Variants in HERC1 observed in about 807,000 individuals in gnomAD.
HERC1 encodes probable E3 ubiquitin-protein ligase HERC1.
Under a neutral mutation model 554.3 loss-of-function variants are expected in HERC1, and 160 were observed. The observed-to-expected ratio is 0.29, with a 90% CI of 0.25 to 0.33. HERC1 has a LOEUF of 0.33. Ranked by LOEUF, HERC1 falls within the 10% of genes least tolerant of loss-of-function variation. The pLI is 1.00. For missense variants in HERC1, 4,919 were observed against 5,918.5 expected (o/e 0.83, Z 5.54); for synonymous variants, 2,175 against 2,131.7 (o/e 1.02, Z -0.56).
Position 63,787,017 on chromosome 15 carries a change from T to C in HERC1, c.-26-11368A>G, listed in dbSNP as rs2076475495. Among the ~76,000 whole-genome samples, 3 of 151,766 alleles carry C rather than the reference T, an allele frequency of 2.0e-5. No individual in the cohort carries two copies. In the South Asian group the frequency reaches 6.2e-4, roughly 32 times the overall value. On this transcript the variant is annotated intron_variant, in intron 1 of 77. Coordinates refer to ENST00000443617, the MANE Select transcript of HERC1 (RefSeq NM_003922.4). ...TCACCATGCCCAGCTAATTTTTGCA[T>C]TTTTAGTAGAGATGGAGTTTCACCA...
chr15:63,674,755 T>C lies in HERC1; in HGVS notation c.7433A>G (p.Gln2478Arg). ...LDPTLPSVES[Q>R]HQITEGKRKN... Reference sequence around the variant, plus strand: ...TCTTTTCCCTTCTGTTATTTGATGTTGGGATTCCACACTTGGCAGTGTTGG... The same window carrying C: ...TCTTTTCCCTTCTGTTATTTGATGTCGGGATTCCACACTTGGCAGTGTTGG... Residue 2478 changes from glutamine (Q) to arginine (R), a missense_variant, in exon 38 of 78, where the codon CAA (glutamine) becomes CGA (arginine). Around this residue, in one of 11 missense-constraint regions of HERC1, gnomAD observed 1,963 missense variants for 2,228.6 expected, o/e 0.88. Transcript: ENST00000443617. 6.2e-7 allele frequency: 1 copy of C among 1,613,976 alleles called. No individual in the cohort carries two copies. Among genetic ancestry groups the C allele is most frequent in the Non-Finnish European group, 8.5e-7 (1 of 1,179,882 alleles).
chr15:63,620,757 T>C lies in HERC1; in HGVS notation c.13688+2058A>G, dbSNP rs2068040173. Among the ~76,000 whole-genome samples, 4 of 152,300 alleles carry C rather than the reference T, an allele frequency of 2.6e-5. No individual in the cohort carries two copies. In the South Asian group the frequency reaches 8.3e-4, roughly 32 times the overall value. On this transcript the variant is annotated intron_variant, in intron 74 of 77. Coordinates refer to ENST00000443617, the MANE Select transcript of HERC1 (RefSeq NM_003922.4). The stretch of plus-strand genomic sequence containing the variant: ...CCTTTACCATTATGTAATGGCCTTC[T>C]TTGTCTCTTTTGATCTTTGTTGGTT...
At position 63,734,924 on chromosome 15, in the gene HERC1, C is replaced by T. The variant is rs1040008664; in HGVS notation, c.2521-75G>A. The T allele has an allele frequency of 7.9e-7, 1 of 1,258,874 alleles. No individual in the cohort carries two copies. Among genetic ancestry groups the T allele is most frequent in the African/African-American group, 1.5e-5 (1 of 65,304 alleles). 78.0% of individuals were successfully genotyped at this position (1,258,874 alleles called of 1,614,324 possible). On this transcript the variant is annotated intron_variant, in intron 12 of 77. Coordinates refer to ENST00000443617, the MANE Select transcript of HERC1 (RefSeq NM_003922.4). This position sits in a 1 kb window ranked among gnomAD's most constrained non-coding sequence, Gnocchi z 4.6. ...AATAAAAACACACTTAAAGCGAACT[C>T]ACTGACTACTAGGATCATGTAAGTC...
intron 44 of HERC1, 97 bp downstream of exon 44, chr15:63,662,885 TAG>T: frequency 1.2e-6 from 1 of 848,202 alleles, no homozygotes; most frequent in Non-Finnish European, 1.9e-6. Context: ...AAAGACTTTT[TAG>T]AGTGTTTCAA....
chr15:63,825,813 G>A (rs114372804), intron 1 of HERC1, among the ~76,000 whole-genome samples: 212 of 151,782 alleles, frequency 1.4e-3, no homozygotes, highest in African/African-American at 4.8e-3. Context: ...CCCCCAGGCT[G>A]AGTATAGCGG....
At chr15:63,800,540 G>C (rs1319325852) in intron 1 of HERC1, among the ~76,000 whole-genome samples, 2 of 152,188 alleles carry the variant, frequency 1.3e-5, no homozygotes, top group Non-Finnish European at 2.9e-5. Flanking sequence ...CTCAGTAACA[G>C]TATCACTAGC....
chr15:63,829,438 G>A (rs1223445381), intron 1 of HERC1, among the ~76,000 whole-genome samples: 8 of 122,426 alleles, frequency 6.5e-5, no homozygotes, highest in East Asian at 6.0e-4. Flanking sequence ...AGAAAGAAAC[G>A]TCAGTATGTG....
At chr15:63,810,119 T>A (rs189088480) in intron 1 of HERC1, among the ~76,000 whole-genome samples, 3 of 152,330 alleles carry the variant, frequency 2.0e-5, no homozygotes, top group Admixed American at 2.0e-4. Flanking sequence ...TACTATGATA[T>A]ACTAAGTTAA....
rs1384939756 is a variant in HERC1 at position 63,625,982 on chromosome 15, T to C, written c.13275+3A>G. ...CTGGCTGCTTACCACGCCAGTCTGT[T>C]ACCTGGTTGTTGGGGCTAAGGTTCA... On this transcript the variant is annotated splice_donor_region_variant and intron_variant, in intron 71 of 77. Transcript: ENST00000443617. 6.2e-7 allele frequency: 1 copy of C among 1,606,112 alleles called. No homozygotes were observed.
intron 74 of HERC1, among the ~76,000 whole-genome samples, chr15:63,619,243 A>G (rs2067960882): frequency 6.6e-6 from 1 of 152,170 alleles, no homozygotes; most frequent in African/African-American, 2.4e-5. Flanking sequence ...TTCTGCACCT[A>G]TTGAGATAAT....
At position 63,694,647 on chromosome 15, in the gene HERC1, A is replaced by T; in HGVS notation, c.5243-98T>A. ...AAAATATTAATAACATGAAACACTA[A>T]ATTATTTATTCTTTACCTATAAGTT... On this transcript the variant is annotated intron_variant, in intron 28 of 77. Transcript: ENST00000443617. This position sits in a 1 kb window ranked among gnomAD's most constrained non-coding sequence, Gnocchi z 4.3. 1 of 1,436,838 alleles carries T rather than the reference A, an allele frequency of 7.0e-7. No individual in the cohort carries two copies. Among genetic ancestry groups the T allele is most frequent in the Non-Finnish European group, 9.7e-7 (1 of 1,035,112 alleles). 89.0% of individuals were successfully genotyped at this position (1,436,838 alleles called of 1,614,324 possible). A position where few individuals can be genotyped will look rare whatever the true frequency, so the allele number is the denominator to read the frequency against.
At chr15:63,730,026 C>CAAA (rs57121923) in intron 14 of HERC1, among the ~76,000 whole-genome samples, 2 of 71,464 alleles carry the variant, frequency 2.8e-5, no homozygotes, top group African/African-American at 1.1e-4. Context: ...AACTATGTCT[C>CAAA]AAAAAAAAAA....
At chr15:63,770,728 T>C (rs1422779884) in intron 2 of HERC1, among the ~76,000 whole-genome samples, 2 of 152,180 alleles carry the variant, frequency 1.3e-5, no homozygotes, top group Admixed American at 1.3e-4. Context: ...ACTCAATAGA[T>C]GGTTATGTGT....
intron 12 of HERC1, among the ~76,000 whole-genome samples, chr15:63,738,956 G>T (rs2074667122): frequency 6.8e-6 from 1 of 147,466 alleles, no homozygotes; most frequent in Admixed American, 6.9e-5. Context: ...GAGGGGATAT[G>T]TCCCTCTACT....
chr15:63,739,010 C>G (rs937401872), intron 12 of HERC1, among the ~76,000 whole-genome samples: 7 of 151,394 alleles, frequency 4.6e-5, no homozygotes, highest in African/African-American at 1.2e-4. Context: ...GACATATAAT[C>G]CACATGCCAC....
intron 40 of HERC1, among the ~76,000 whole-genome samples, chr15:63,669,018 C>T (rs2070774457): frequency 6.6e-6 from 1 of 152,154 alleles, no homozygotes; most frequent in African/African-American, 2.4e-5. Flanking sequence ...ATATTCTAGG[C>T]TGTAAGACAA....
At chr15:63,743,199 CCT>C (rs950114237) in intron 12 of HERC1, among the ~76,000 whole-genome samples, 1 of 151,268 alleles carries the variant, frequency 6.6e-6, no homozygotes, top group Non-Finnish European at 1.5e-5. Context: ...TGTGCTTCAA[CCT>C]TTTTTATTCT....
intron 12 of HERC1, among the ~76,000 whole-genome samples, chr15:63,745,056 G>C (rs570567462): frequency 3.9e-5 from 6 of 152,316 alleles, no homozygotes; most frequent in African/African-American, 1.2e-4. Flanking sequence ...TCTGAGAGCT[G>C]GCATCTGGAA....
chr15:63,649,855 A>G lies in HERC1; in HGVS notation c.10617T>C (p.Ala3539=), dbSNP rs1358160574. ...SALAWPEEGP[A]TAWSGESPEL... Reference sequence around the variant, plus strand: ...CTGGAGACTCTCCTGACCAGGCTGTAGCCGGACCCTCTTCTGGCCAAGCCA... The same window carrying G: ...CTGGAGACTCTCCTGACCAGGCTGTGGCCGGACCCTCTTCTGGCCAAGCCA... Residue 3539 remains alanine (A), a synonymous_variant, in exon 54 of 78, where the codon GCT becomes GCC. Transcript: ENST00000443617. 2 of 1,613,050 alleles carry G rather than the reference A, an allele frequency of 1.2e-6. No homozygotes were observed. The highest frequency in any genetic ancestry group is 2.7e-5 in the African/African-American group (2 of 74,916).
Sources: allele counts gnomAD v4.1 joint callset (sites outside exome capture counted in the v4.1 genomes callset), GRCh38; gene constraint gnomAD v4.1.1; regional missense constraint gnomAD v4.1.1; non-coding constraint Gnocchi (gnomAD v3.1); transcripts MANE v1.5; gene names NCBI Gene and HGNC (gene_info 2026-07-23, HGNC 2026-07-21).